EPHA6: variants seen among roughly 807,000 people sequenced by gnomAD.
The protein encoded by EPHA6 is ephrin type-A receptor 6.
A neutral mutation model predicts 112.0 loss-of-function variants in EPHA6; 50 were observed. That is an observed-to-expected ratio of 0.45 (90% confidence interval 0.36 to 0.56). The LOEUF (loss-of-function observed/expected upper bound fraction) is 0.56, where lower values mean the gene tolerates loss of function less well. EPHA6 is among the 20% of genes least tolerant of loss of function. EPHA6 has a pLI of 0.00. For missense variants in EPHA6, 1,280 were observed against 1,417.4 expected, an observed-to-expected ratio of 0.90 and a Z score of 1.56; for synonymous variants, 529 against 490.7, an observed-to-expected ratio of 1.08 and a Z score of -1.03.
intron 12 of EPHA6, among the ~76,000 whole-genome samples, chr3:97,601,756 T>C (rs1165374988): frequency 1.3e-5 from 2 of 152,094 alleles, no homozygotes; most frequent in Non-Finnish European, 2.9e-5. Flanking sequence ...GTCATATGTA[T>C]GACTATTTAA....
chr3:97,596,747 A>G (rs1038395448), intron 12 of EPHA6, among the ~76,000 whole-genome samples: 4 of 141,046 alleles, frequency 2.8e-5, no homozygotes, highest in Non-Finnish European at 6.1e-5. Flanking sequence ...AGACTTGATA[A>G]TATTTTTTAC....
chr3:97,756,831 T>C lies in EPHA6; in HGVS notation c.*8130T>C, dbSNP rs2036037730. 6.6e-6 allele frequency among the ~76,000 whole-genome samples: 1 copy of C among 151,870 alleles called. No homozygotes were observed. On this transcript the variant is annotated 3_prime_UTR_variant, in exon 18 of 18. Coordinates refer to ENST00000389672, the MANE Select transcript of EPHA6 (RefSeq NM_001080448.3). ...TGTGTGCTTGATTTTGGATACATTA[T>C]TATTCATTTTGTTAGTCACATTCCA...
intron 3 of EPHA6, among the ~76,000 whole-genome samples, chr3:97,073,595 CA>C: frequency 6.6e-6 from 1 of 151,976 alleles, no homozygotes; most frequent in East Asian, 1.9e-4. Context: ...GTTAAAACAT[CA>C]ATAACATACT....
intron 11 of EPHA6, among the ~76,000 whole-genome samples, chr3:97,547,101 G>C (rs1219185107): frequency 6.6e-6 from 1 of 152,150 alleles, no homozygotes; most frequent in Non-Finnish European, 1.5e-5. Context: ...TGTTCCATTG[G>C]TGGTGAGGAG....
intron 2 of EPHA6, among the ~76,000 whole-genome samples, chr3:96,964,911 G>A (rs2042069248): frequency 6.6e-6 from 1 of 152,118 alleles, no homozygotes; most frequent in African/African-American, 2.4e-5. Flanking sequence ...ATTTAAAGCA[G>A]TTTAATTGAG....
intron 2 of EPHA6, among the ~76,000 whole-genome samples, chr3:96,891,424 G>A (rs2037956003): frequency 6.6e-6 from 1 of 152,142 alleles, no homozygotes; most frequent in Admixed American, 6.5e-5. Context: ...AAGGTGACTG[G>A]AAGGGGCCAG....
intron 3 of EPHA6, among the ~76,000 whole-genome samples, chr3:97,133,125 T>C (rs772766303): frequency 1.3e-5 from 2 of 151,926 alleles, no homozygotes; most frequent in African/African-American, 2.4e-5. Context: ...AATTTTCCGA[T>C]GAGATAGTAG....
At chr3:96,817,882 TTC>T (rs2032927279) in intron 1 of EPHA6, among the ~76,000 whole-genome samples, 1 of 151,942 alleles carries the variant, frequency 6.6e-6, no homozygotes. Context: ...AAAGGATCTC[TTC>T]TCTTGTCTTT....
chr3:97,537,243 G>A (rs1357386820), intron 11 of EPHA6, among the ~76,000 whole-genome samples: 1 of 152,140 alleles, frequency 6.6e-6, no homozygotes, highest in African/African-American at 2.4e-5. Context: ...TGATTTTACT[G>A]ATATACATTA....
At chr3:97,018,105 A>G (rs1303721787) in intron 3 of EPHA6, among the ~76,000 whole-genome samples, 4 of 150,924 alleles carry the variant, frequency 2.7e-5, no homozygotes, top group Non-Finnish European at 5.9e-5. Context: ...TGTCCATCAC[A>G]TTTTTCAGCT....
rs368157061 is a variant in EPHA6, at chr3:97,728,413, A to G, written c.2935-7512A>G. Among the ~76,000 whole-genome samples, 12 of 152,078 alleles carry G rather than the reference A, an allele frequency of 7.9e-5. No homozygotes were observed. In the East Asian group the frequency reaches 1.9e-3, roughly 25 times the overall value. On this transcript the variant is annotated intron_variant, in intron 15 of 17. Coordinates refer to ENST00000389672, the MANE Select transcript of EPHA6 (RefSeq NM_001080448.3). ...TTTGTTGTCCAGGAACTGGCATAGTAAGAAATACCATGGTGCCCCAAATCT... is the reference window on the plus strand; with the variant it reads ...TTTGTTGTCCAGGAACTGGCATAGTGAGAAATACCATGGTGCCCCAAATCT...
intron 5 of EPHA6, among the ~76,000 whole-genome samples, chr3:97,354,974 A>G (rs1026788758): frequency 5.3e-5 from 8 of 152,274 alleles, no homozygotes; most frequent in South Asian, 4.1e-4. Flanking sequence ...CTGAAGGAAA[A>G]CAAACAAACA....
At chr3:97,382,666 TGG>T (rs2085823449) in intron 5 of EPHA6, among the ~76,000 whole-genome samples, 2 of 152,018 alleles carry the variant, frequency 1.3e-5, no homozygotes, top group African/African-American at 4.8e-5. Flanking sequence ...CTTACAAAGA[TGG>T]ATCAGCAATT....
chr3:97,243,279 C>A (rs1218258255), intron 4 of EPHA6, among the ~76,000 whole-genome samples: 1 of 151,860 alleles, frequency 6.6e-6, no homozygotes, highest in Non-Finnish European at 1.5e-5. Flanking sequence ...GAAAGTCCTG[C>A]CATCATTTCT....
intron 2 of EPHA6, among the ~76,000 whole-genome samples, chr3:96,987,064 C>T (rs2043049382): frequency 6.6e-6 from 1 of 152,062 alleles, no homozygotes; most frequent in Admixed American, 6.6e-5. Context: ...ATTATCAGCT[C>T]CTTTACAGTT....
chr3:97,396,317 ATATATCTAG>A (rs2086691917), intron 5 of EPHA6, among the ~76,000 whole-genome samples: 1 of 148,620 alleles, frequency 6.7e-6, no homozygotes, highest in Non-Finnish European at 1.5e-5. Context: ...GTAAACCTTA[ATATATCTAG>A]TATGCTTATA....
At chr3:97,037,996 G>A (rs2045170254) in intron 3 of EPHA6, among the ~76,000 whole-genome samples, 1 of 151,890 alleles carries the variant, frequency 6.6e-6, no homozygotes, top group Non-Finnish European at 1.5e-5. Flanking sequence ...TATTCATTGA[G>A]AGTACCAAAC....
In EPHA6 at chr3:97,592,630, G is replaced by A. The variant is rs2093555495; in HGVS notation, c.2405G>A (p.Gly802Glu). The A allele has an allele frequency of 6.2e-7, 1 of 1,613,252 alleles. No homozygotes were observed. Among genetic ancestry groups the A allele is most frequent in the Non-Finnish European group, 8.5e-7 (1 of 1,179,610 alleles). Residue 802 changes from glycine (G) to glutamate (E), a missense_variant, in exon 12 of 18, where the codon GGG (glycine) becomes GAG (glutamate). Gly to Glu is a moderately conservative substitution (Grantham distance 98, BLOSUM62 -2). Coordinates refer to ENST00000389672, the MANE Select transcript of EPHA6 (RefSeq NM_001080448.3). ...VVTKRSFPAI[G>E]VEAFCPSFLR... Reference sequence around the variant, plus strand: ...TTAAAAGGATCCTTCCCGGCCATTGGGGTGGAGGCGTTTTGCCCCAGCTTC... The same window carrying A: ...TTAAAAGGATCCTTCCCGGCCATTGAGGTGGAGGCGTTTTGCCCCAGCTTC...
chr3:97,420,350 G>A (rs993078655), intron 6 of EPHA6, among the ~76,000 whole-genome samples: 2 of 150,882 alleles, frequency 1.3e-5, no homozygotes, highest in East Asian at 3.9e-4. Context: ...TAAAAACTGG[G>A]AAGAAAAATG....
Sources: gnomAD v4.1 joint callset for allele counts (sites outside exome capture counted in the v4.1 genomes callset) on GRCh38, gnomAD v4.1.1 for gene constraint, MANE v1.5 for transcripts, NCBI Gene and HGNC (gene_info 2026-07-23, HGNC 2026-07-21) for gene names.